Variants in PIWIL1 observed in about 807,000 individuals in gnomAD.
The protein encoded by PIWIL1 is piwi-like protein 1.
In PIWIL1, 73 loss-of-function variants were observed where a neutral mutation model predicts 114.4. The observed-to-expected ratio is 0.64, with a 90% CI of 0.53 to 0.78. The LOEUF is 0.78. Among genes scored for constraint, PIWIL1 ranks in the 30% least tolerant of loss-of-function variants. The pLI is 0.00. For missense variants in PIWIL1, 723 were observed against 1,063.1 expected (o/e 0.68, Z 4.45); for synonymous variants, 375 against 369.0 (o/e 1.02, Z -0.19).
the PIWIL1 span, among the ~76,000 whole-genome samples, chr12:130,404,314 T>C: frequency 0.025 from 3,863 of 152,302 alleles, 159 homozygotes; most frequent in African/African-American, 0.088. Context: ...TTTTGTTTGT[T>C]TTTGAGACGG....
chr12:130,346,022 A>G (rs1265339404), intron 4 of PIWIL1, 144 bp downstream of exon 4: 4 of 740,758 alleles, frequency 5.4e-6, no homozygotes, highest in South Asian at 2.1e-5. Context: ...GCGTTGATGA[A>G]GTAGGTTATA....
chr12:130,353,791 T>C (rs1214719309), intron 9 of PIWIL1, among the ~76,000 whole-genome samples: 1 of 151,612 alleles, frequency 6.6e-6, no homozygotes, highest in Non-Finnish European at 1.5e-5. Flanking sequence ...CCAGGCACGG[T>C]GGTGTGCACC....
chr12:130,362,800 C>T lies in PIWIL1; in HGVS notation c.2005C>T (p.Gln669Ter), dbSNP rs2073549997. 1 of 1,614,122 alleles carries T rather than the reference C, an allele frequency of 6.2e-7. No individual in the cohort carries two copies. The highest frequency in any genetic ancestry group is 8.5e-7 in the Non-Finnish European group (1 of 1,180,004). Residue 669 changes from glutamine to a stop codon, truncating the protein, a stop_gained, in exon 17 of 21, where the codon CAG becomes TAG. Coordinates refer to ENST00000245255, the MANE Select transcript of PIWIL1 (RefSeq NM_004764.5). LOFTEE classifies it high-confidence loss of function. ...FSRCIFQDRGQELVDGLKVCL... is the reference protein window; with the variant it reads ...FSRCIFQDRG ...ACGCTGCATATTTCAGGATAGAGGACAGGAGCTGGTAGATGGGCTCAAAGT... is the reference window on the plus strand; with the variant it reads ...ACGCTGCATATTTCAGGATAGAGGATAGGAGCTGGTAGATGGGCTCAAAGT...
the PIWIL1 span, chr12:130,396,160 A>T: frequency 6.5e-6 from 1 of 152,786 alleles, no homozygotes; most frequent in South Asian, 2.1e-4. Context: ...TTTTATTTCT[A>T]GAAAATATTT....
intron 9 of PIWIL1, among the ~76,000 whole-genome samples, chr12:130,353,246 T>C (rs958560751): frequency 1.4e-5 from 2 of 144,540 alleles, no homozygotes; most frequent in African/African-American, 4.9e-5. Context: ...TGGTTTTTTG[T>C]TCTCCTGGTA....
chr12:130,382,895 A>G, the PIWIL1 span, among the ~76,000 whole-genome samples: 2 of 152,360 alleles, frequency 1.3e-5, no homozygotes, highest in Admixed American at 1.3e-4. Flanking sequence ...TTTTAGTAGT[A>G]CAGTGTTTTG....
chr12:130,396,130 G>T, the PIWIL1 span: 1 of 152,418 alleles, frequency 6.6e-6, no homozygotes, highest in Non-Finnish European at 1.5e-5. Flanking sequence ...AGAATAAACA[G>T]TGTTGTATAA....
chr12:130,361,420 GT>G (rs2073504742), intron 15 of PIWIL1, 40 bp downstream of exon 15: 1 of 1,610,390 alleles, frequency 6.2e-7, no homozygotes, highest in Admixed American at 1.7e-5. Context: ...TTTAAAATTG[GT>G]ATTTAAGAAC....
At chr12:130,347,308 A>G (rs543952998) in intron 6 of PIWIL1, among the ~76,000 whole-genome samples, 1 of 152,140 alleles carries the variant, frequency 6.6e-6, no homozygotes, top group Non-Finnish European at 1.5e-5. Context: ...TGTTCAGAAC[A>G]CTCATATCCT....
the PIWIL1 span, chr12:130,424,148 G>A: frequency 1.9e-5 from 23 of 1,228,828 alleles, no homozygotes; most frequent in African/African-American, 7.8e-5. The surrounding 1 kb of genome is among the most constrained non-coding windows in gnomAD (Gnocchi z 9.8). Context: ...ACACCAGGGG[G>A]CCTTGTGCGA....
At chr12:130,348,255 A>G (rs2073123599) in intron 7 of PIWIL1, 72 bp downstream of exon 7, 2 of 832,550 alleles carry the variant, frequency 2.4e-6, no homozygotes, top group African/African-American at 3.4e-5. Flanking sequence ...ACCTAATTTG[A>G]AATGGTCAAA....
intron 10 of PIWIL1, 84 bp downstream of exon 10, chr12:130,354,747 C>A: frequency 6.7e-7 from 1 of 1,492,126 alleles, no homozygotes; most frequent in South Asian, 1.3e-5. Context: ...TCCTTTACTT[C>A]CCCTTCCCTC....
At chr12:130,377,444 G>A (rs2073876178), downstream of PIWIL1, among the ~76,000 whole-genome samples, 2 of 152,202 alleles carry the variant, frequency 1.3e-5, no homozygotes, top group South Asian at 2.1e-4. Flanking sequence ...AATCTCAGCT[G>A]GAGACCTGGA....
chr12:130,421,828 G>A, the PIWIL1 span, among the ~76,000 whole-genome samples: 5 of 152,042 alleles, frequency 3.3e-5, no homozygotes, highest in African/African-American at 4.8e-5. Context: ...AATAATAGAA[G>A]TATCCCCCTC....
the PIWIL1 span, chr12:130,399,704 G>GT: frequency 6.2e-7 from 1 of 1,614,040 alleles, no homozygotes; most frequent in Non-Finnish European, 8.5e-7. Flanking sequence ...GCGCATTGGC[G>GT]TATCTTGAGA....
chr12:130,407,803 G>A, the PIWIL1 span: 1 of 1,614,008 alleles, frequency 6.2e-7, no homozygotes. Context: ...GATACCGAAT[G>A]ACGCCTGCCA....
At chr12:130,416,032 G>A in the PIWIL1 span, among the ~76,000 whole-genome samples, 1 of 152,018 alleles carries the variant, frequency 6.6e-6, no homozygotes, top group Non-Finnish European at 1.5e-5. Context: ...TAACCAAGGA[G>A]GTGAAAGATC....
At chr12:130,347,537 G>C (rs1015543384) in intron 6 of PIWIL1, among the ~76,000 whole-genome samples, 1 of 152,184 alleles carries the variant, frequency 6.6e-6, no homozygotes, top group Non-Finnish European at 1.5e-5. Flanking sequence ...TCTGGATAAG[G>C]CTGAAATTTT....
At chr12:130,415,121 T>C in the PIWIL1 span, among the ~76,000 whole-genome samples, 1 of 152,040 alleles carries the variant, frequency 6.6e-6, no homozygotes, top group Admixed American at 6.6e-5. Context: ...CAGGCTAATA[T>C]CCCTGATGAA....
Sources: allele counts gnomAD v4.1 joint callset (sites outside exome capture counted in the v4.1 genomes callset), GRCh38; gene constraint gnomAD v4.1.1; non-coding constraint Gnocchi (gnomAD v3.1); transcripts MANE v1.5; gene names NCBI Gene and HGNC (gene_info 2026-07-23, HGNC 2026-07-21).